The following CIT variants were observed in gnomAD, a reference collection of about 807,000 sequenced individuals.
The protein encoded by CIT is citron Rho-interacting kinase.
In CIT, 79 loss-of-function variants were observed where a neutral mutation model predicts 272.7. That is an observed-to-expected ratio of 0.29 (90% CI 0.24 to 0.35). The LOEUF (loss-of-function observed/expected upper bound fraction) is 0.35. Among genes scored for constraint, CIT ranks in the 10% least tolerant of loss-of-function variants. The pLI, the probability that CIT is intolerant of heterozygous loss-of-function variation, is 1.00. For synonymous variants in CIT, 948 were observed against 995.6 expected (o/e 0.95, Z 0.90); for missense variants, 1,909 against 2,618.3 (o/e 0.73, Z 5.91).
In CIT at chr12:119,694,716, G is replaced by A. The variant is rs1956137286; in HGVS notation, c.5882+2943C>T. ...CTACTCGGGGGGAGGCTGAAGTCGG[G>A]GGCTCTCTTGAGCCCAGGAGGCGGA... On this transcript the variant is annotated intron_variant, in intron 46 of 47. Transcript: ENST00000392521. This position sits in a 1 kb window ranked among gnomAD's most constrained non-coding sequence, Gnocchi z 4.5. Among the ~76,000 whole-genome samples, 1 of 151,968 alleles carries A rather than the reference G, an allele frequency of 6.6e-6. No homozygotes were observed. Among genetic ancestry groups the A allele is most frequent in the South Asian group, 2.1e-4 (1 of 4,810 alleles).
intron 26 of CIT, among the ~76,000 whole-genome samples, chr12:119,732,898 C>T (rs980995841): frequency 3.9e-5 from 6 of 152,220 alleles, no homozygotes; most frequent in African/African-American, 1.2e-4. Context: ...TCACGGGGCA[C>T]ACACTAGCCC....
At chr12:119,724,113 C>A (rs1481287281) in intron 28 of CIT, among the ~76,000 whole-genome samples, 1 of 151,904 alleles carries the variant, frequency 6.6e-6, no homozygotes, top group Non-Finnish European at 1.5e-5. Context: ...GAGACGCCGT[C>A]TCTACAAAAA....
intron 9 of CIT, among the ~76,000 whole-genome samples, chr12:119,822,003 C>A (rs1180731502): frequency 1.3e-5 from 2 of 152,156 alleles, no homozygotes; most frequent in Admixed American, 1.3e-4. Flanking sequence ...AACACATCTC[C>A]AATCAGAAGC....
At chr12:119,817,575 T>C (rs1385723342) in intron 9 of CIT, among the ~76,000 whole-genome samples, 1 of 152,080 alleles carries the variant, frequency 6.6e-6, no homozygotes, top group East Asian at 1.9e-4. Flanking sequence ...AGCATTAAAC[T>C]TCCCACCATT....
chr12:119,747,586 G>A (rs1049355663), intron 23 of CIT, among the ~76,000 whole-genome samples: 1 of 151,582 alleles, frequency 6.6e-6, no homozygotes, highest in Non-Finnish European at 1.5e-5. Flanking sequence ...GGGCGTGGTG[G>A]GCGAGCACCT....
At chr12:119,700,924 C>T (rs1452408323) in intron 43 of CIT, 99 bp from the exon 44 acceptor site, 12 of 946,986 alleles carry the variant, frequency 1.3e-5, no homozygotes, top group African/African-American at 6.5e-5. Context: ...AGCCCAGGGA[C>T]CCCTGGCCAG....
rs541960803 is a variant in CIT at position 119,723,186 on chromosome 12, C to T, written c.3592-1737G>A. Among the ~76,000 whole-genome samples, 3 of 152,258 alleles carry T rather than the reference C, an allele frequency of 2.0e-5. No homozygotes were observed. In the East Asian group the frequency reaches 5.8e-4, roughly 29 times the overall value. The stretch of plus-strand genomic sequence containing the variant: ...AAAGAAACAGCTAAGATACCCTCCT[C>T]CGCAGCATGAGTGATTTCTTCTGCA... On this transcript the variant is annotated intron_variant, in intron 28 of 47. Coordinates refer to ENST00000392521, the MANE Select transcript of CIT (RefSeq NM_001206999.2).
At chr12:119,737,306 C>CAA (rs145489542) in intron 24 of CIT, among the ~76,000 whole-genome samples, 1 of 24,168 alleles carries the variant, frequency 4.1e-5, no homozygotes, top group East Asian at 2.0e-3. Context: ...GATTCCATCT[C>CAA]AAAAAAAAAA....
At chr12:119,725,404 C>T (rs977203766) in intron 28 of CIT, among the ~76,000 whole-genome samples, 5 of 151,792 alleles carry the variant, frequency 3.3e-5, no homozygotes, top group South Asian at 4.2e-4. Context: ...CCAGCCTGGG[C>T]GAGAGAGCAA....
chr12:119,867,078 C>T (rs1950536715), intron 3 of CIT, among the ~76,000 whole-genome samples: 1 of 152,170 alleles, frequency 6.6e-6, no homozygotes, highest in Non-Finnish European at 1.5e-5. Flanking sequence ...AGCCCTCTCA[C>T]ACATTCCAGC....
chr12:119,862,448 A>G (rs750124103), intron 3 of CIT, among the ~76,000 whole-genome samples: 1 of 152,122 alleles, frequency 6.6e-6, no homozygotes, highest in Non-Finnish European at 1.5e-5. Context: ...GTGATGTGCT[A>G]TATTCTAAAC....
At chr12:119,847,157 TA>T (rs1162750530) in intron 5 of CIT, among the ~76,000 whole-genome samples, 4 of 152,144 alleles carry the variant, frequency 2.6e-5, no homozygotes, top group Non-Finnish European at 5.9e-5. Context: ...CCTAATTTTT[TA>T]TATTTTTAGT....
chr12:119,771,826 G>A (rs1963184752), intron 17 of CIT, among the ~76,000 whole-genome samples: 1 of 152,142 alleles, frequency 6.6e-6, no homozygotes, highest in Admixed American at 6.5e-5. Flanking sequence ...TTATAGGATG[G>A]AGGGACTCAC....
intron 10 of CIT, among the ~76,000 whole-genome samples, chr12:119,789,557 A>T (rs1388061261): frequency 6.6e-6 from 1 of 152,150 alleles, no homozygotes; most frequent in Non-Finnish European, 1.5e-5. Flanking sequence ...TATTCTATTC[A>T]TTTTTCATGT....
chr12:119,723,123 A>G (rs1957890566), intron 28 of CIT, among the ~76,000 whole-genome samples: 1 of 152,174 alleles, frequency 6.6e-6, no homozygotes, highest in Admixed American at 6.6e-5. Context: ...GAATTTCTCA[A>G]TCAAACCACA....
intron 25 of CIT, 58 bp downstream of exon 25, chr12:119,735,102 T>C (rs1156684448): frequency 1.3e-6 from 2 of 1,558,004 alleles, no homozygotes; most frequent in African/African-American, 1.4e-5. Context: ...CACCAAGCAC[T>C]CCTAAAATCC....
At chr12:119,708,073 T>A in intron 40 of CIT, 106 bp downstream of exon 40, 1 of 1,252,954 alleles carries the variant, frequency 8.0e-7, no homozygotes, top group Non-Finnish European at 1.1e-6. Flanking sequence ...CTGTTTGTTA[T>A]TTAAGTTGAC....
At chr12:119,734,806 T>G (rs1173123529) in intron 25 of CIT, among the ~76,000 whole-genome samples, 1 of 151,894 alleles carries the variant, frequency 6.6e-6, no homozygotes, top group Non-Finnish European at 1.5e-5. Context: ...CCAGCTAATT[T>G]TTATCTTTTT....
chr12:119,745,737 T>A (rs563679701), intron 23 of CIT, among the ~76,000 whole-genome samples: 26 of 152,314 alleles, frequency 1.7e-4, no homozygotes, highest in Non-Finnish European at 3.1e-4. Flanking sequence ...GATTTGATCA[T>A]TACACATTGT....
Sources: gnomAD v4.1 joint callset for allele counts (sites outside exome capture counted in the v4.1 genomes callset) on GRCh38, gnomAD v4.1.1 for gene constraint, Gnocchi (gnomAD v3.1) non-coding constraint, MANE v1.5 for transcripts, NCBI Gene and HGNC (gene_info 2026-07-23, HGNC 2026-07-21) for gene names.